HEATR3: variants seen among roughly 807,000 people sequenced by gnomAD.
The protein encoded by HEATR3 is HEAT repeat containing 3.
HEATR3 carries 56 observed loss-of-function variants against 72.8 expected under a neutral mutation model. That is an observed-to-expected ratio of 0.77 (90% CI 0.62 to 0.96). The LOEUF (loss-of-function observed/expected upper bound fraction) is 0.96. Among genes scored for constraint, HEATR3 ranks in the 40% least tolerant of loss-of-function variants. The pLI is 0.00. For synonymous variants in HEATR3, 331 were observed against 318.1 expected (o/e 1.04, Z -0.43); for missense variants, 747 against 831.4 (o/e 0.90, Z 1.25).
chr16:50,075,567 G>A lies in HEATR3; in HGVS notation c.623-4G>A, dbSNP rs12931497. The stretch of plus-strand genomic sequence containing the variant: ...TTTCTAAATACTTATTTTTTGCCTC[G>A]TAGCATATTGTTTGCAGACAGTGAC... On this transcript the variant is annotated splice_region_variant and splice_polypyrimidine_tract_variant and intron_variant, in intron 5 of 14. Transcript: ENST00000299192. 1,135,498 of 1,606,376 alleles carry A rather than the reference G, an allele frequency of 0.71. 402,914 individuals carry two copies. The highest frequency in any genetic ancestry group is 0.74 in the Admixed American group (44,284 of 59,864).
chr16:50,090,616 T>TTTG (rs1236515079), intron 11 of HEATR3, among the ~76,000 whole-genome samples: 1 of 152,198 alleles, frequency 6.6e-6, no homozygotes, highest in Admixed American at 6.5e-5. Context: ...CACTAATTTC[T>TTTG]TTGTCTCCTT....
intron 11 of HEATR3, among the ~76,000 whole-genome samples, chr16:50,086,693 G>T (rs141589010): frequency 7.2e-5 from 11 of 152,302 alleles, no homozygotes; most frequent in Non-Finnish European, 1.0e-4. Flanking sequence ...ACTTTGGGAG[G>T]CCGAGGCGGG....
intron 6 of HEATR3, among the ~76,000 whole-genome samples, chr16:50,078,280 A>T (rs1420623080): frequency 6.6e-6 from 1 of 152,206 alleles, no homozygotes; most frequent in Non-Finnish European, 1.5e-5. Flanking sequence ...TACTCTGACT[A>T]CTTAATGATA....
In HEATR3 at chr16:50,102,310, G is replaced by T. The variant is rs765425830; in HGVS notation, c.1795G>T (p.Val599Leu). ...EVTTKDPSLV[V>L]AGEALDALFD... ...TACCACCAAAGATCCTTCCCTTGTG[G>T]TAGCAGGAGAAGCTTTGGATGCCCT... is the stretch of plus-strand genomic sequence containing the variant. The change falls in exon 14 of 15, where the codon GTA (valine) becomes TTA (leucine). Residue 599 changes from valine to leucine, a missense_variant. Val to Leu is a conservative substitution (Grantham distance 32). Around this residue, in one of 2 missense-constraint regions of HEATR3, gnomAD observed 586 missense variants for 708.8 expected, o/e 0.83. Transcript: ENST00000299192. 7 of 1,614,086 alleles carry T rather than the reference G, an allele frequency of 4.3e-6. No homozygotes were observed. The highest frequency in any genetic ancestry group is 5.1e-6 in the Non-Finnish European group (6 of 1,179,998).
At chr16:50,079,625 A>G (rs2036821253) in intron 7 of HEATR3, among the ~76,000 whole-genome samples, 1 of 152,118 alleles carries the variant, frequency 6.6e-6, no homozygotes, top group African/African-American at 2.4e-5. Context: ...CAGAGAGAGA[A>G]AGTTCTCCCA....
intron 11 of HEATR3, among the ~76,000 whole-genome samples, chr16:50,092,951 G>A (rs1302934244): frequency 6.6e-6 from 1 of 152,194 alleles, no homozygotes; most frequent in Non-Finnish European, 1.5e-5. Context: ...CAGTTAGTGT[G>A]GAAAGGCCTC....
chr16:50,084,782 TA>T, intron 10 of HEATR3, 131 bp downstream of exon 10: 1 of 636,726 alleles, frequency 1.6e-6, no homozygotes, highest in Non-Finnish European at 2.7e-6. Context: ...ACCAGAAAAA[TA>T]TGTGCCCACA....
intron 11 of HEATR3, among the ~76,000 whole-genome samples, chr16:50,090,600 CA>C (rs2037087847): frequency 6.6e-6 from 1 of 152,132 alleles, no homozygotes; most frequent in Non-Finnish European, 1.5e-5. Flanking sequence ...TCCTTACATT[CA>C]AAAGCACTAA....
At chr16:50,066,294 G>C in intron 1 of HEATR3, 25 bp downstream of exon 1, 1 of 1,577,346 alleles carries the variant, frequency 6.3e-7, no homozygotes, top group East Asian at 2.3e-5. Flanking sequence ...CCGTCGGGCC[G>C]GGAGGCGAGA....
intron 12 of HEATR3, among the ~76,000 whole-genome samples, chr16:50,096,052 C>T (rs955484483): frequency 1.3e-5 from 2 of 152,046 alleles, no homozygotes. Context: ...TGGCCAGGCA[C>T]GGTGGCTCAC....
rs1444366743 is a variant in HEATR3 at position 50,100,139 on chromosome 16, A to G, written c.1600-91A>G. The G allele has an allele frequency of 3.0e-5, 37 of 1,247,800 alleles. 1 individual carries two copies. In the South Asian group the frequency reaches 3.0e-4, roughly 10 times the overall value. The allele number at this position is 1,247,800 out of a possible 1,614,324, so 77.3% of individuals were successfully genotyped here. A position where few individuals can be genotyped will look rare whatever the true frequency, so the allele number is the denominator to read the frequency against. On this transcript the variant is annotated intron_variant, in intron 12 of 14. Transcript: ENST00000299192. ...TGTCACTCTTAAAATCCTGTAGCCT[A>G]TAGAGGAGATTCCTGTCAGTCCGGT... is the stretch of plus-strand genomic sequence containing the variant.
At chr16:50,082,807 T>G (rs2036899449) in intron 7 of HEATR3, among the ~76,000 whole-genome samples, 1 of 151,922 alleles carries the variant, frequency 6.6e-6, no homozygotes, top group African/African-American at 2.4e-5. Flanking sequence ...CTTTTTCTTT[T>G]TTTCTTTTTT....
intron 11 of HEATR3, among the ~76,000 whole-genome samples, chr16:50,087,349 C>T (rs1025043294): frequency 6.6e-6 from 1 of 152,054 alleles, no homozygotes; most frequent in African/African-American, 2.4e-5. Context: ...TATAGCGATA[C>T]AAGAGTTAAA....
At chr16:50,070,388 T>G in intron 4 of HEATR3, 98 bp downstream of exon 4, 1 of 508,172 alleles carries the variant, frequency 2.0e-6, no homozygotes, top group Admixed American at 3.5e-5. Flanking sequence ...TTGGTAGGCC[T>G]GTTAATCTGG....
At chr16:50,094,644 C>A in intron 11 of HEATR3, 61 bp from the exon 12 acceptor site, 2 of 909,548 alleles carry the variant, frequency 2.2e-6, no homozygotes, top group Non-Finnish European at 3.4e-6. Context: ...TTGTTTGTTG[C>A]TTCTACAAAA....
chr16:50,076,924 G>A (rs1416104113), intron 6 of HEATR3, among the ~76,000 whole-genome samples: 2 of 145,436 alleles, frequency 1.4e-5, no homozygotes, highest in South Asian at 2.2e-4. Context: ...GCTGGAGTGC[G>A]TGGCGCGATC....
Position 50,075,551 on chromosome 16 carries a change from A to G in HEATR3, c.623-20A>G. On this transcript the variant is annotated intron_variant, in intron 5 of 14. Coordinates refer to ENST00000299192, the MANE Select transcript of HEATR3 (RefSeq NM_182922.4). ...AAGCAGAATTCATTTGTTTCTAAATACTTATTTTTTGCCTCGTAGCATATT... is the reference window on the plus strand; with the variant it reads ...AAGCAGAATTCATTTGTTTCTAAATGCTTATTTTTTGCCTCGTAGCATATT... 6.2e-7 allele frequency: 1 copy of G among 1,601,174 alleles called. No homozygotes were observed. The highest frequency in any genetic ancestry group is 8.6e-7 in the Non-Finnish European group (1 of 1,169,358).
At chr16:50,073,903 A>G (rs1418067243) in intron 5 of HEATR3, 2 of 152,232 alleles carry the variant, frequency 1.3e-5, no homozygotes, top group Non-Finnish European at 2.9e-5. Context: ...TTTTGCTTCT[A>G]AAGTCAAGCA....
chr16:50,102,876 C>T (rs1240328671), intron 14 of HEATR3, among the ~76,000 whole-genome samples: 1 of 152,090 alleles, frequency 6.6e-6, no homozygotes, highest in Non-Finnish European at 1.5e-5. Context: ...GATTCTTGTG[C>T]CTCAGCCTCC....
Sources: allele counts gnomAD v4.1 joint callset (sites outside exome capture counted in the v4.1 genomes callset), GRCh38; gene constraint gnomAD v4.1.1; regional missense constraint gnomAD v4.1.1; transcripts MANE v1.5; gene names NCBI Gene and HGNC (gene_info 2026-07-23, HGNC 2026-07-21).